Variants in TRIM42 observed in about 807,000 individuals in gnomAD.
TRIM42 encodes tripartite motif-containing protein 42.
TRIM42 carries 59 observed loss-of-function variants against 64.9 expected under a neutral mutation model. That is an observed-to-expected ratio of 0.91 (90% CI 0.74 to 1.13). TRIM42 has a LOEUF of 1.13. TRIM42 is among the 50% of genes most tolerant of loss of function. The pLI is 0.00. For synonymous variants in TRIM42, 354 were observed against 346.3 expected (o/e 1.02, Z -0.25); for missense variants, 878 against 929.5 (o/e 0.94, Z 0.72).
At chr3:140,692,562 C>CACACACACACACACAGAGAGAG (rs375439126) in intron 4 of TRIM42, among the ~76,000 whole-genome samples, 2 of 114,118 alleles carry the variant, frequency 1.8e-5, no homozygotes, top group African/African-American at 5.9e-5. Flanking sequence ...CACACACACA[C>CACACACACACACACAGAGAGAG]AGAGAGAGAT....
At chr3:140,682,329 T>A (rs1360010150) in intron 1 of TRIM42, 133 bp from the exon 2 acceptor site, 1 of 830,658 alleles carries the variant, frequency 1.2e-6, no homozygotes, top group Non-Finnish European at 1.9e-6. Flanking sequence ...CGCAGGCACC[T>A]TAGCGCCCAG....
chr3:140,685,680 C>T (rs1430578909), intron 2 of TRIM42, among the ~76,000 whole-genome samples: 1 of 152,108 alleles, frequency 6.6e-6, no homozygotes, highest in Non-Finnish European at 1.5e-5. Context: ...TTTTAACACT[C>T]TCTCAGGTTA....
Position 140,700,991 on chromosome 3 carries a change from A to G in TRIM42, c.*17A>G. On this transcript the variant is annotated 3_prime_UTR_variant, in exon 5 of 5. Transcript: ENST00000286349. ...CACTTCTGAGCCCCTTCAGAGCAGGAAACAACCTCAGACTCATCACAAAGT... is the reference window on the plus strand; with the variant it reads ...CACTTCTGAGCCCCTTCAGAGCAGGGAACAACCTCAGACTCATCACAAAGT... The G allele has an allele frequency of 6.2e-7, 1 of 1,611,744 alleles. No individual in the cohort carries two copies. The highest frequency in any genetic ancestry group is 8.5e-7 in the Non-Finnish European group (1 of 1,177,938).
chr3:140,687,690 T>A, intron 2 of TRIM42, 32 bp from the exon 3 acceptor site: 1 of 1,546,852 alleles, frequency 6.5e-7, no homozygotes, highest in East Asian at 2.3e-5. Flanking sequence ...GAGATGAAAA[T>A]TTTAAAAGTA....
Position 140,700,929 on chromosome 3 carries a change from G to A in TRIM42, c.2127G>A (p.Trp709Ter), listed in dbSNP as rs1461624227. 3 of 1,614,080 alleles carry A rather than the reference G, an allele frequency of 1.9e-6. No homozygotes were observed. The highest frequency in any genetic ancestry group is 3.3e-5 in the Admixed American group (2 of 60,026). The change falls in exon 5 of 5, where the codon TGG becomes TGA. Residue 709 changes from tryptophan (W) to a stop codon, truncating the protein, a stop_gained. Transcript: ENST00000286349. LOFTEE classifies it high-confidence loss of function. Reference protein sequence around the residue: ...PDGHGKNRAKWGLLKNIQSAL... With the variant: ...PDGHGKNRAK The stretch of plus-strand genomic sequence containing the variant: ...GACATGGGAAGAACCGAGCTAAGTG[G>A]GGCCTGCTGAAGAATATCCAGTCTG...
In TRIM42 at chr3:140,678,204, A is replaced by C. The variant is rs751916601; in HGVS notation, c.-26A>C. On this transcript the variant is annotated 5_prime_UTR_variant, in exon 1 of 5. Transcript: ENST00000286349. ...TAGAGGAGGCATCAAGAGTCCTGGG[A>C]GGCCGGTGGTAATCATGTAGGCACC... The C allele has an allele frequency of 6.3e-7, 1 of 1,594,474 alleles. No homozygotes were observed. The highest frequency in any genetic ancestry group is 1.3e-5 in the African/African-American group (1 of 74,750).
intron 4 of TRIM42, among the ~76,000 whole-genome samples, chr3:140,691,898 A>G (rs1988724682): frequency 6.6e-6 from 1 of 152,136 alleles, no homozygotes; most frequent in South Asian, 2.1e-4. Context: ...TAGAGCTGCT[A>G]TCTTACCATA....
chr3:140,683,101 C>G lies in TRIM42; in HGVS notation c.981C>G (p.Ile327Met). ...FHNGHDTISL[I>M]DACSERAASL... Reference sequence around the variant, plus strand: ...ATGGCCACGACACCATTAGCCTCATCGACGCCTGCTCCGAGAGGGCCGCCT... The same window carrying G: ...ATGGCCACGACACCATTAGCCTCATGGACGCCTGCTCCGAGAGGGCCGCCT... Residue 327 changes from isoleucine to methionine, a missense_variant, in exon 2 of 5, where the codon ATC (isoleucine) becomes ATG (methionine). Ile to Met is a conservative substitution (Grantham distance 10). Transcript: ENST00000286349. 1 of 1,614,204 alleles carries G rather than the reference C, an allele frequency of 6.2e-7. No homozygotes were observed.
At position 140,698,879 on chromosome 3, in the gene TRIM42, T is replaced by TTA. The variant is rs1267248905; in HGVS notation, c.2086-2007_2086-2006dup. ...ACAATTCTATTTCTTTTTTCTTTCC[T>TTA]TATGGCTTTGGCCAGAACCTTGAGT... On this transcript the variant is annotated intron_variant, in intron 4 of 4. Transcript: ENST00000286349. Among the ~76,000 whole-genome samples the TTA allele has an allele frequency of 5.9e-5, 9 of 152,264 alleles. No individual in the cohort carries two copies. In the East Asian group the frequency reaches 1.7e-3, roughly 29 times the overall value.
chr3:140,683,017 C>T lies in TRIM42; in HGVS notation c.897C>T (p.Ile299=), dbSNP rs766222353. 3.7e-6 allele frequency: 6 copies of T among 1,614,252 alleles called. No individual in the cohort carries two copies. Among genetic ancestry groups the T allele is most frequent in the Non-Finnish European group, 5.1e-6 (6 of 1,180,040 alleles). ...TCCACCACCCATCCAGCCGCATCAT[C>T]GAGTACTGCCGCAATGACAACAAAT... ...ICIHHPSSRI[I]EYCRNDNKLL... Residue 299 remains isoleucine (I), a synonymous_variant, in exon 2 of 5, where the codon ATC becomes ATT. Transcript: ENST00000286349.
intron 4 of TRIM42, among the ~76,000 whole-genome samples, chr3:140,693,784 G>A (rs1467839507): frequency 6.6e-6 from 1 of 152,082 alleles, no homozygotes; most frequent in Non-Finnish European, 1.5e-5. Context: ...GCATAGTCTA[G>A]GACTTGATTT....
chr3:140,695,888 C>T (rs961554), intron 4 of TRIM42, among the ~76,000 whole-genome samples: 62,641 of 152,004 alleles, frequency 0.41, 15,575 homozygotes, highest in Non-Finnish European at 0.55. Flanking sequence ...ACTCCGTGCC[C>T]TAAAATGAAA....
At chr3:140,680,020 G>T (rs1179750177) in intron 1 of TRIM42, among the ~76,000 whole-genome samples, 2 of 152,034 alleles carry the variant, frequency 1.3e-5, no homozygotes, top group African/African-American at 4.8e-5. Flanking sequence ...CAGGAGATTT[G>T]ATAGGTGGTA....
chr3:140,678,585 C>A lies in TRIM42; in HGVS notation c.341+15C>A. 1 of 1,603,024 alleles carries A rather than the reference C, an allele frequency of 6.2e-7. No individual in the cohort carries two copies. Among genetic ancestry groups the A allele is most frequent in the Non-Finnish European group, 8.5e-7 (1 of 1,173,014 alleles). On this transcript the variant is annotated intron_variant, in intron 1 of 4. Transcript: ENST00000286349. ...ATCCATACCTCGTAAGTGCCAGGCA[C>A]CAGATGTGGGGCCGCATTGGGTCAT...
In TRIM42 at chr3:140,678,433, C is replaced by T; in HGVS notation, c.204C>T (p.Cys68=). Reference sequence around the variant, plus strand: ...GCCCCAACTGCCATTGGTGTTGCTGCTCTTGGGCCAATGATCCCAACTGTA... The same window carrying T: ...GCCCCAACTGCCATTGGTGTTGCTGTTCTTGGGCCAATGATCCCAACTGTA... ...SESPNCHWCC[C]SWANDPNCKC... Residue 68 remains cysteine (C), a synonymous_variant, in exon 1 of 5, where the codon TGC becomes TGT. Transcript: ENST00000286349. The T allele has an allele frequency of 6.2e-7, 1 of 1,614,212 alleles. No individual in the cohort carries two copies. The highest frequency in any genetic ancestry group is 2.2e-5 in the East Asian group (1 of 44,888).
chr3:140,685,741 T>G (rs1401373319), intron 2 of TRIM42, among the ~76,000 whole-genome samples: 3 of 152,164 alleles, frequency 2.0e-5, no homozygotes, highest in African/African-American at 7.2e-5. Flanking sequence ...ATTAAGAACC[T>G]AGTTTGGAGC....
Position 140,688,385 on chromosome 3 carries a change from C to T in TRIM42, c.1703C>T (p.Thr568Ile). ...RAQSATPAKP[T>I]DGLYTYWSAG... ...CAGTCAGCCACCCCCGCCAAACCCA[C>T]AGACGGCCTCTACACCTACTGGAGT... The change falls in exon 3 of 5, where the codon ACA (threonine) becomes ATA (isoleucine). Residue 568 changes from threonine (T) to isoleucine (I), a missense_variant. Transcript: ENST00000286349. The T allele has an allele frequency of 1.2e-6, 2 of 1,614,220 alleles. No individual in the cohort carries two copies. Among genetic ancestry groups the T allele is most frequent in the Non-Finnish European group, 1.7e-6 (2 of 1,180,030 alleles).
intron 1 of TRIM42, among the ~76,000 whole-genome samples, chr3:140,681,431 G>T (rs1988391230): frequency 6.6e-6 from 1 of 152,092 alleles, no homozygotes; most frequent in Admixed American, 6.5e-5. Context: ...TTATAGTTGA[G>T]AAAACTGAAC....
In TRIM42 at chr3:140,682,642, G is replaced by A. The variant is rs754569531; in HGVS notation, c.522G>A (p.Gln174=). ...GCGAGAAGTGCCTGCGGCAGCTGCA[G>A]AAGCACGCCGAGGTCACCGAGAACT... The part of the protein sequence containing the change: ...SLCEKCLRQL[Q]KHAEVTENFF... The change falls in exon 2 of 5, where the codon CAG becomes CAA. Residue 174 remains glutamine, a synonymous_variant. Coordinates refer to ENST00000286349, the MANE Select transcript of TRIM42 (RefSeq NM_152616.5). The A allele has an allele frequency of 1.7e-5, 28 of 1,613,882 alleles. No homozygotes were observed. Among genetic ancestry groups the A allele is most frequent in the East Asian group, 2.2e-5 (1 of 44,868 alleles).
Sources: gnomAD v4.1 joint callset for allele counts (sites outside exome capture counted in the v4.1 genomes callset) on GRCh38, gnomAD v4.1.1 for gene constraint, MANE v1.5 for transcripts, NCBI Gene and HGNC (gene_info 2026-07-23, HGNC 2026-07-21) for gene names.